Variants in MAG observed in about 807,000 individuals in gnomAD.
MAG encodes the protein myelin associated glycoprotein, also known as myelin-associated glycoprotein.
MAG carries 30 observed loss-of-function variants against 60.7 expected under a neutral mutation model. That is an observed-to-expected ratio of 0.49 (90% CI 0.37 to 0.67). The LOEUF (loss-of-function observed/expected upper bound fraction) is 0.67, where lower values mean the gene tolerates loss of function less well. Ranked by LOEUF, MAG falls within the 30% of genes least tolerant of loss-of-function variation. The pLI is 0.00. For missense variants in MAG, 795 were observed against 851.7 expected (o/e 0.93, Z 0.83); for synonymous variants, 384 against 376.8 (o/e 1.02, Z -0.22).
At chr19:35,310,712 C>A in intron 9 of MAG, 69 bp downstream of exon 9, 1 of 1,392,602 alleles carries the variant, frequency 7.2e-7, no homozygotes, top group Non-Finnish European at 1.0e-6. Context: ...GAGATGGAGG[C>A]CCAGAGTGGG....
At chr19:35,298,327 C>T (rs1204393002) in intron 4 of MAG, among the ~76,000 whole-genome samples, 2 of 149,052 alleles carry the variant, frequency 1.3e-5, no homozygotes, top group African/African-American at 5.0e-5. Context: ...AAACCACACG[C>T]CACACACCAC....
chr19:35,308,212 C>T (rs949224066), intron 7 of MAG, among the ~76,000 whole-genome samples: 1 of 152,102 alleles, frequency 6.6e-6, no homozygotes, highest in Non-Finnish European at 1.5e-5. Flanking sequence ...GAGAAGGAGA[C>T]GCCGCATGGG....
At position 35,295,304 on chromosome 19, in the gene MAG, T is replaced by C. The variant is rs939921453; in HGVS notation, c.-23-82T>C. On this transcript the variant is annotated intron_variant, in intron 2 of 10. Coordinates refer to ENST00000392213, the MANE Select transcript of MAG (RefSeq NM_002361.4). This position sits in a 1 kb window ranked among gnomAD's most constrained non-coding sequence, Gnocchi z 5.8. The stretch of plus-strand genomic sequence containing the variant: ...AATAATAGCAGCAGCAGCTAACATA[T>C]GAATGGGCCCCTTCCTGAAGCCCAG... 10 of 1,053,066 alleles carry C rather than the reference T, an allele frequency of 9.5e-6. No homozygotes were observed. Among genetic ancestry groups the C allele is most frequent in the Non-Finnish European group, 1.4e-5 (10 of 703,360 alleles). The allele number at this position is 1,053,066 out of a possible 1,614,324, so 65.2% of individuals were successfully genotyped here. A position where few individuals can be genotyped will look rare whatever the true frequency, so the allele number is the denominator to read the frequency against.
chr19:35,292,848 A>G (rs533471061), intron 1 of MAG, among the ~76,000 whole-genome samples: 6 of 152,038 alleles, frequency 3.9e-5, no homozygotes, highest in Non-Finnish European at 7.4e-5. Context: ...GATTCTCCCA[A>G]CTTGGCCTTC....
chr19:35,308,553 A>T (rs1277550747), intron 7 of MAG, among the ~76,000 whole-genome samples: 1 of 152,048 alleles, frequency 6.6e-6, no homozygotes, highest in Non-Finnish European at 1.5e-5. Context: ...GGAACATAGC[A>T]AGACCCTGTC....
intron 6 of MAG, among the ~76,000 whole-genome samples, chr19:35,301,858 G>A (rs374291423): frequency 3.9e-5 from 6 of 151,984 alleles, no homozygotes; most frequent in South Asian, 2.1e-4. Flanking sequence ...GAGCCACCAC[G>A]CTCGGACTCC....
intron 6 of MAG, 117 bp downstream of exon 6, chr19:35,300,521 G>A: frequency 1.5e-6 from 2 of 1,324,556 alleles, no homozygotes; most frequent in Middle Eastern, 1.9e-4. Flanking sequence ...ATAAACAGTC[G>A]AGGCCAAGGT....
rs2066514711 is a variant in MAG at position 35,310,035 on chromosome 19, C to A, written c.1393C>A (p.Arg465Ser). Residue 465 changes from arginine to serine, a missense_variant, in exon 8 of 11, where the codon CGC becomes AGC. Coordinates refer to ENST00000392213, the MANE Select transcript of MAG (RefSeq NM_002361.4). ...ESEREFVYSE[R>S]SGLVLTSILT... Reference sequence around the variant, plus strand: ...CGAGCGGGAGTTCGTGTACTCGGAGCGCAGCGGCCTCGTGCTCACCAGCAT... The same window carrying A: ...CGAGCGGGAGTTCGTGTACTCGGAGAGCAGCGGCCTCGTGCTCACCAGCAT... 1.9e-6 allele frequency: 3 copies of A among 1,613,896 alleles called. No homozygotes were observed. Among genetic ancestry groups the A allele is most frequent in the Non-Finnish European group, 2.5e-6 (3 of 1,179,940 alleles).
chr19:35,295,165 C>T lies in MAG; in HGVS notation c.-23-221C>T, dbSNP rs537285264. On this transcript the variant is annotated intron_variant, in intron 2 of 10. Transcript: ENST00000392213. The surrounding 1 kb of genome is among the most constrained non-coding windows in gnomAD (Gnocchi z 5.8). ...CAGAAGCTGAGACAAGAGGATAACA[C>T]GAGCTCAGGATTTTGAGGCTATAGT... Among the ~76,000 whole-genome samples the T allele has an allele frequency of 1.3e-5, 2 of 152,096 alleles. No individual in the cohort carries two copies. The highest frequency in any genetic ancestry group is 4.8e-5 in the African/African-American group (2 of 41,392).
At position 35,306,592 on chromosome 19, in the gene MAG, C is replaced by T. The variant is rs1307978163; in HGVS notation, c.1232-3282C>T. Among the ~76,000 whole-genome samples the T allele has an allele frequency of 2.6e-5, 4 of 151,984 alleles. No homozygotes were observed. In the East Asian group the frequency reaches 7.7e-4, roughly 29 times the overall value. ...AGCTGGGACTACAGGCACACATCAC[C>T]ATGCCCAGTTAATGTTTTAATTTTT... is the stretch of plus-strand genomic sequence containing the variant. On this transcript the variant is annotated intron_variant, in intron 7 of 10. Transcript: ENST00000392213.
intron 4 of MAG, among the ~76,000 whole-genome samples, chr19:35,298,354 C>T (rs577478198): frequency 1.2e-3 from 176 of 150,426 alleles, no homozygotes; most frequent in Non-Finnish European, 2.2e-3. Context: ...TACCTACACA[C>T]TACCCACACA....
In MAG at chr19:35,310,031, G is replaced by C. The variant is rs146965882; in HGVS notation, c.1389G>C (p.Ser463=). The change falls in exon 8 of 11, where the codon TCG becomes TCC. Residue 463 remains serine (S), a synonymous_variant. Transcript: ENST00000392213. ...VNESEREFVY[S]ERSGLVLTSI... ...AGAGCGAGCGGGAGTTCGTGTACTC[G>C]GAGCGCAGCGGCCTCGTGCTCACCA... 3 of 1,613,864 alleles carry C rather than the reference G, an allele frequency of 1.9e-6. No individual in the cohort carries two copies. The highest frequency in any genetic ancestry group is 2.5e-6 in the Non-Finnish European group (3 of 1,179,930).
chr19:35,297,861 CCA>C (rs1568471109), intron 4 of MAG, among the ~76,000 whole-genome samples: 2 of 149,538 alleles, frequency 1.3e-5, no homozygotes, highest in South Asian at 2.1e-4. Flanking sequence ...AAACCACACA[CCA>C]CACACACAAC....
intron 7 of MAG, among the ~76,000 whole-genome samples, chr19:35,308,449 G>A (rs750033077): frequency 1.3e-5 from 2 of 152,170 alleles, no homozygotes; most frequent in Non-Finnish European, 2.9e-5. Context: ...TTGTATTTTG[G>A]GCTGGGCACA....
chr19:35,295,405 C>T lies in MAG; in HGVS notation c.-4C>T. Reference sequence around the variant, plus strand: ...TTCCAGCGATCACTCACTCGCTGTACAGAATGATATTCCTCACGGCACTGC... The same window carrying T: ...TTCCAGCGATCACTCACTCGCTGTATAGAATGATATTCCTCACGGCACTGC... On this transcript the variant is annotated 5_prime_UTR_variant, in exon 3 of 11. Transcript: ENST00000392213. This position sits in a 1 kb window ranked among gnomAD's most constrained non-coding sequence, Gnocchi z 5.8. The T allele has an allele frequency of 6.2e-7, 1 of 1,613,970 alleles. No homozygotes were observed. The highest frequency in any genetic ancestry group is 1.3e-5 in the African/African-American group (1 of 75,028).
At position 35,295,869 on chromosome 19, in the gene MAG, C is replaced by A; in HGVS notation, c.303C>A (p.Thr101=). 1 of 1,614,114 alleles carries A rather than the reference C, an allele frequency of 6.2e-7. No individual in the cohort carries two copies. Among genetic ancestry groups the A allele is most frequent in the Non-Finnish European group, 8.5e-7 (1 of 1,180,036 alleles). Residue 101 remains threonine (T), a synonymous_variant, in exon 4 of 11, where the codon ACC becomes ACA. Transcript: ENST00000392213. The surrounding 1 kb of genome is among the most constrained non-coding windows in gnomAD (Gnocchi z 5.8). ...GGGACCTGGGCCTGCGAAACTGCAC[C>A]CTCCTGCTCAGCAACGTCAGCCCCG... ...LLGDLGLRNC[T]LLLSNVSPEL... is the part of the protein sequence containing the mutation.
intron 7 of MAG, among the ~76,000 whole-genome samples, chr19:35,304,416 G>A (rs181509027): frequency 5.9e-5 from 9 of 152,330 alleles, no homozygotes; most frequent in African/African-American, 1.4e-4. Context: ...TACATTTTCC[G>A]GTGGGGTGCA....
chr19:35,294,675 G>A (rs530010867), intron 2 of MAG, among the ~76,000 whole-genome samples: 1 of 152,256 alleles, frequency 6.6e-6, no homozygotes, highest in African/African-American at 2.4e-5. Context: ...CAACACTTTG[G>A]GAGGCTGAGG....
At chr19:35,308,895 AC>A (rs1431105795) in intron 7 of MAG, among the ~76,000 whole-genome samples, 1 of 152,182 alleles carries the variant, frequency 6.6e-6, no homozygotes, top group African/African-American at 2.4e-5. Context: ...CGGGAGGATC[AC>A]TAGAGGCCAA....
Sources: allele counts gnomAD v4.1 joint callset (sites outside exome capture counted in the v4.1 genomes callset), GRCh38; gene constraint gnomAD v4.1.1; non-coding constraint Gnocchi (gnomAD v3.1); transcripts MANE v1.5; gene names NCBI Gene and HGNC (gene_info 2026-07-23, HGNC 2026-07-21).